TNRC6C: variants seen among roughly 807,000 people sequenced by gnomAD.
TNRC6C encodes trinucleotide repeat containing adaptor 6C.
TNRC6C carries 20 observed loss-of-function variants against 153.7 expected under a neutral mutation model. The observed-to-expected ratio is 0.13, with a 90% confidence interval of 0.09 to 0.19. The LOEUF is 0.19. Among genes scored for constraint, TNRC6C ranks in the 10% least tolerant of loss-of-function variants. TNRC6C has a pLI of 1.00. For missense variants in TNRC6C, 1,987 were observed against 2,172.0 expected, an observed-to-expected ratio of 0.91 and a Z score of 1.69; for synonymous variants, 811 against 841.4, an observed-to-expected ratio of 0.96 and a Z score of 0.63.
At chr17:78,018,794 A>G (rs1445085014) in intron 1 of TNRC6C, among the ~76,000 whole-genome samples, 1 of 152,154 alleles carries the variant, frequency 6.6e-6, no homozygotes, top group Non-Finnish European at 1.5e-5. Flanking sequence ...TATTTATTGA[A>G]TGAGTGAGTA....
chr17:78,026,033 G>A (rs1429201276), intron 1 of TNRC6C, among the ~76,000 whole-genome samples: 2 of 152,132 alleles, frequency 1.3e-5, no homozygotes, highest in African/African-American at 4.8e-5. Flanking sequence ...ACTTAATCCA[G>A]ATCATATATA....
exon 13 of TNRC6C, chr17:78,087,001 G>T (rs1188277084): frequency 1.2e-6 from 2 of 1,613,806 alleles, no homozygotes; most frequent in Admixed American, 1.7e-5. Context: ...GCCATGGACA[G>T]CTTCCCCTCG....
chr17:78,070,196 G>C lies in TNRC6C; in HGVS notation c.2779-889G>C, dbSNP rs149425928. Among the ~76,000 whole-genome samples, 1,186 of 152,254 alleles carry C rather than the reference G, an allele frequency of 7.8e-3. 16 individuals carry two copies. The highest frequency in any genetic ancestry group is 0.027 in the African/African-American group (1,124 of 41,516). ...TGGGCTGGCAAATAATCCAGTTAAT[G>C]ATGGGACCAAAAATAGCAAATTGGT... On this transcript the variant is annotated intron_variant, in intron 5 of 19. Coordinates refer to ENST00000301624, the Ensembl canonical transcript of TNRC6C.
intron 1 of TNRC6C, among the ~76,000 whole-genome samples, chr17:77,990,878 C>T (rs188967750): frequency 3.3e-5 from 5 of 152,164 alleles, no homozygotes; most frequent in Admixed American, 1.3e-4. Flanking sequence ...TTCAGGGGCA[C>T]GCTGTATTTC....
intron 1 of TNRC6C, among the ~76,000 whole-genome samples, chr17:77,973,138 T>C (rs1247278284): frequency 6.6e-6 from 1 of 152,152 alleles, no homozygotes; most frequent in Non-Finnish European, 1.5e-5. Flanking sequence ...AACTCCTGAC[T>C]TCAGGTGATC....
At chr17:78,008,048 A>T (rs1365978013) in intron 1 of TNRC6C, among the ~76,000 whole-genome samples, 4 of 152,208 alleles carry the variant, frequency 2.6e-5, no homozygotes, top group Non-Finnish European at 4.4e-5. Flanking sequence ...GGAGAATATT[A>T]ACTAGTCTAA....
intron 2 of TNRC6C, among the ~76,000 whole-genome samples, chr17:78,043,214 G>GTGGGCTGGGC (rs753251635): frequency 4.6e-5 from 7 of 152,194 alleles, no homozygotes; most frequent in Non-Finnish European, 1.0e-4. Context: ...TGAAACTTCA[G>GTGGGCTGGGC]TGGGCTGGGC....
chr17:77,974,635 T>G (rs2070972527), intron 1 of TNRC6C, among the ~76,000 whole-genome samples: 2 of 152,206 alleles, frequency 1.3e-5, no homozygotes, highest in African/African-American at 2.4e-5. Context: ...CTTGTGTATG[T>G]TTTTGGTTCA....
At chr17:77,975,693 A>G (rs2070988353) in intron 1 of TNRC6C, among the ~76,000 whole-genome samples, 1 of 152,236 alleles carries the variant, frequency 6.6e-6, no homozygotes, top group Non-Finnish European at 1.5e-5. Flanking sequence ...TAAAGGTTCA[A>G]CAACAGAAGT....
Position 78,069,509 on chromosome 17 carries a change from G to GAGT in TNRC6C, c.2779-1573_2779-1571dup, listed in dbSNP as rs571121394. ...AATTGTCCTCCTGCCTCAGCCTCCT[G>GAGT]AGTAGCTGGGTCTACAGGTGCATGC... is the stretch of plus-strand genomic sequence containing the variant. On this transcript the variant is annotated intron_variant, in intron 5 of 19. Coordinates refer to ENST00000301624, the Ensembl canonical transcript of TNRC6C. Among the ~76,000 whole-genome samples the GAGT allele has an allele frequency of 2.6e-4, 39 of 152,230 alleles. No individual in the cohort carries two copies. The South Asian group carries it at 5.8e-3, about 23-fold the overall frequency.
intron 1 of TNRC6C, among the ~76,000 whole-genome samples, chr17:78,024,710 T>G (rs1035581341): frequency 1.3e-5 from 2 of 151,870 alleles, no homozygotes; most frequent in African/African-American, 4.8e-5. Flanking sequence ...GCTGAAAGTA[T>G]AAAGTTCCCA....
At chr17:77,961,344 C>A (rs188138823) in intron 1 of TNRC6C, among the ~76,000 whole-genome samples, 1 of 151,982 alleles carries the variant, frequency 6.6e-6, no homozygotes, top group Non-Finnish European at 1.5e-5. Flanking sequence ...TTAGTAGAGA[C>A]GGGGTTTTGC....
intron 1 of TNRC6C, among the ~76,000 whole-genome samples, chr17:77,979,193 A>G (rs2071040269): frequency 6.6e-6 from 1 of 152,208 alleles, no homozygotes; most frequent in Non-Finnish European, 1.5e-5. Context: ...CTGGAATTGA[A>G]AAGTGCAATA....
chr17:78,024,654 C>T (rs1344361220), intron 1 of TNRC6C, among the ~76,000 whole-genome samples: 3 of 151,858 alleles, frequency 2.0e-5, no homozygotes, highest in Non-Finnish European at 4.4e-5. Context: ...CGTGAGCCAC[C>T]GCGCCTGGCC....
Position 78,104,903 on chromosome 17 carries a change from G to A in TNRC6C, c.*58G>A. On this transcript the variant is annotated 3_prime_UTR_variant, in exon 20 of 20. Coordinates refer to ENST00000301624, the Ensembl canonical transcript of TNRC6C. This position sits in a 1 kb window ranked among gnomAD's most constrained non-coding sequence, Gnocchi z 6.2. ...CCCTCCCGGGACCCCTCCCGGCTGG[G>A]CGGCCCCACAGACCCGCTGGAACCC... The A allele has an allele frequency of 7.3e-7, 1 of 1,373,686 alleles. No homozygotes were observed. The highest frequency in any genetic ancestry group is 1.7e-5 in the South Asian group (1 of 59,034). The allele number at this position is 1,373,686 out of a possible 1,614,324, so 85.1% of individuals were successfully genotyped here.
At chr17:78,037,923 G>T (rs1049871484) in intron 2 of TNRC6C, among the ~76,000 whole-genome samples, 1 of 152,154 alleles carries the variant, frequency 6.6e-6, no homozygotes, top group African/African-American at 2.4e-5. Flanking sequence ...AATTTTAACA[G>T]CGTGTTTCTA....
At chr17:78,021,794 T>G (rs1233809609) in intron 1 of TNRC6C, among the ~76,000 whole-genome samples, 1 of 152,198 alleles carries the variant, frequency 6.6e-6, no homozygotes, top group Non-Finnish European at 1.5e-5. Context: ...GGTCTTGAAC[T>G]CCTGACTTCA....
chr17:78,087,041 G>T, exon 13 of TNRC6C: 1 of 1,613,560 alleles, frequency 6.2e-7, no homozygotes, highest in Non-Finnish European at 8.5e-7. Flanking sequence ...TACCTGACCT[G>T]CAGACCAAAG....
chr17:77,988,656 T>G (rs941267186), intron 1 of TNRC6C, among the ~76,000 whole-genome samples: 1 of 152,240 alleles, frequency 6.6e-6, no homozygotes, highest in African/African-American at 2.4e-5. Flanking sequence ...TTAAAACTGC[T>G]TCAGTGGAAT....
Sources: gnomAD v4.1 joint callset for allele counts (sites outside exome capture counted in the v4.1 genomes callset) on GRCh38, gnomAD v4.1.1 for gene constraint, Gnocchi (gnomAD v3.1) non-coding constraint, MANE v1.5 for transcripts, NCBI Gene and HGNC (gene_info 2026-07-23, HGNC 2026-07-21) for gene names.